HS3ST5: variants seen among roughly 807,000 people sequenced by gnomAD.
The protein encoded by HS3ST5 is heparan sulfate glucosamine 3-O-sulfotransferase 5.
Under a neutral mutation model 25.4 loss-of-function variants are expected in HS3ST5, and 10 were observed. That is an observed-to-expected ratio of 0.39 (90% CI 0.24 to 0.67). The LOEUF (loss-of-function observed/expected upper bound fraction) is 0.67, where lower values mean the gene tolerates loss of function less well. HS3ST5 is among the 30% of genes least tolerant of loss of function. The probability of loss-of-function intolerance (pLI) is 0.44; values close to 1 mark genes in which losing one functional copy is unlikely to be tolerated. For synonymous variants in HS3ST5, 170 were observed against 162.4 expected, an observed-to-expected ratio of 1.05 and a Z score of -0.36; for missense variants, 324 against 420.7, an observed-to-expected ratio of 0.77 and a Z score of 2.01.
chr6:114,340,213 A>T (rs566957249), intron 1 of HS3ST5, among the ~76,000 whole-genome samples: 111 of 152,348 alleles, frequency 7.3e-4, no homozygotes, highest in African/African-American at 2.5e-3. Context: ...GTTAAAATTT[A>T]AGCATGAGCT....
At chr6:114,189,256 T>C (rs1230659639) in intron 2 of HS3ST5, among the ~76,000 whole-genome samples, 1 of 152,158 alleles carries the variant, frequency 6.6e-6, no homozygotes, top group African/African-American at 2.4e-5. Flanking sequence ...TCTGACATGA[T>C]TTGATACTTT....
chr6:114,084,465 G>A (rs1774659092), intron 3 of HS3ST5: 3 of 757,162 alleles, frequency 4.0e-6, no homozygotes, highest in African/African-American at 1.7e-5. Flanking sequence ...GATCAGGCAT[G>A]ACCTCCCGCG....
chr6:114,064,083 A>ATTGT (rs80091887), intron 3 of HS3ST5, among the ~76,000 whole-genome samples: 34,986 of 151,960 alleles, frequency 0.23, 4,246 homozygotes, highest in Non-Finnish European at 0.25. Context: ...TCAAGATAAG[A>ATTGT]TTGTTTGCCT....
chr6:114,294,396 C>T (rs976346285), intron 1 of HS3ST5, among the ~76,000 whole-genome samples: 5 of 151,402 alleles, frequency 3.3e-5, no homozygotes, highest in Admixed American at 1.3e-4. Context: ...TTGGTGTGTC[C>T]TCTTGAACTC....
intron 2 of HS3ST5, among the ~76,000 whole-genome samples, chr6:114,186,842 C>G (rs1190796024): frequency 1.3e-5 from 2 of 152,074 alleles, no homozygotes; most frequent in African/African-American, 4.8e-5. Flanking sequence ...ATTTTGAAGC[C>G]ATAGTAGCTG....
At chr6:114,060,077 G>C (rs1398225301) in intron 4 of HS3ST5, among the ~76,000 whole-genome samples, 2 of 151,984 alleles carry the variant, frequency 1.3e-5, no homozygotes, top group East Asian at 1.9e-4. Context: ...GCAGTGGCAC[G>C]ATCTTGGCTC....
chr6:114,226,471 AC>A (rs1771294828), intron 2 of HS3ST5, among the ~76,000 whole-genome samples: 1 of 151,974 alleles, frequency 6.6e-6, no homozygotes, highest in Non-Finnish European at 1.5e-5. Context: ...ATTGAAAAAC[AC>A]CCACTTAACT....
chr6:114,270,585 C>T (rs1190128036), intron 1 of HS3ST5, among the ~76,000 whole-genome samples: 1 of 152,146 alleles, frequency 6.6e-6, no homozygotes, highest in Admixed American at 6.6e-5. Flanking sequence ...CAGGAGGCAG[C>T]ATATGCTGTA....
intron 1 of HS3ST5, among the ~76,000 whole-genome samples, chr6:114,282,266 C>T (rs1466494937): frequency 1.3e-5 from 2 of 152,032 alleles, no homozygotes; most frequent in South Asian, 2.1e-4. Flanking sequence ...AACATGCAGC[C>T]GCTGGCATCT....
chr6:114,205,131 G>A lies in HS3ST5; in HGVS notation c.-145+23454C>T, dbSNP rs570972938. ...TTAATTCAATTTTGATACTAACTACGTAGAATTCGTGCAGATCCCACACGT... is the reference window on the plus strand; with the variant it reads ...TTAATTCAATTTTGATACTAACTACATAGAATTCGTGCAGATCCCACACGT... On this transcript the variant is annotated intron_variant, in intron 2 of 4. Transcript: ENST00000312719. Among the ~76,000 whole-genome samples the A allele has an allele frequency of 1.7e-4, 26 of 152,128 alleles. No individual in the cohort carries two copies. In the East Asian group the frequency reaches 2.7e-3, roughly 16 times the overall value.
chr6:114,110,075 G>T (rs943824764), intron 3 of HS3ST5, among the ~76,000 whole-genome samples: 2 of 152,188 alleles, frequency 1.3e-5, no homozygotes, highest in African/African-American at 4.8e-5. Context: ...ATGGACTACA[G>T]TGATGCCATT....
Position 114,342,420 on chromosome 6 carries a change from A to AGGC in HS3ST5, c.-567_-565dup, listed in dbSNP as rs527646640. 528 of 191,420 alleles carry AGGC rather than the reference A, an allele frequency of 2.8e-3. 5 individuals carry two copies. The highest frequency in any genetic ancestry group is 0.019 in the East Asian group (120 of 6,232). The allele number at this position is 191,420 out of a possible 1,614,324, so 11.9% of individuals were successfully genotyped here. A position where few individuals can be genotyped will look rare whatever the true frequency, so the allele number is the denominator to read the frequency against. ...TAAGACGCGAGCGGGCCCCACACGC[A>AGGC]GGCGGCGGCGGCGGCGGCGGCGGCG... On this transcript the variant is annotated 5_prime_UTR_variant, in exon 1 of 5. Transcript: ENST00000312719.
intron 2 of HS3ST5, among the ~76,000 whole-genome samples, chr6:114,191,326 C>T (rs1780492808): frequency 6.6e-6 from 1 of 152,086 alleles, no homozygotes; most frequent in Non-Finnish European, 1.5e-5. Flanking sequence ...TCAATTCTGC[C>T]TTATTGGCTA....
At chr6:114,245,966 A>C (rs1240550965) in intron 1 of HS3ST5, among the ~76,000 whole-genome samples, 1 of 152,182 alleles carries the variant, frequency 6.6e-6, no homozygotes, top group Non-Finnish European at 1.5e-5. Context: ...AAGATGTTTC[A>C]ATCAAATCTC....
At chr6:114,202,683 T>G (rs768699582) in intron 2 of HS3ST5, among the ~76,000 whole-genome samples, 1 of 152,078 alleles carries the variant, frequency 6.6e-6, no homozygotes, top group Non-Finnish European at 1.5e-5. Context: ...TAGTCTAGAA[T>G]AGTTAGGGGA....
chr6:114,107,914 C>G (rs1776071363), intron 3 of HS3ST5, among the ~76,000 whole-genome samples: 1 of 152,158 alleles, frequency 6.6e-6, no homozygotes, highest in Non-Finnish European at 1.5e-5. Context: ...GCTGTCATTT[C>G]TCCTTATATT....
rs1307648071 is a variant in HS3ST5, at chr6:114,161,543, A to C, written c.-33+6808T>G. On this transcript the variant is annotated intron_variant, in intron 3 of 4. Transcript: ENST00000312719. ...GTTTTATATATATATATATATATAT[A>C]TATATATATATATATATATATATAT... is the stretch of plus-strand genomic sequence containing the variant. 2.5e-4 allele frequency among the ~76,000 whole-genome samples: 20 copies of C among 79,290 alleles called. 1 individual carries two copies. Among genetic ancestry groups the C allele is most frequent in the African/African-American group, 8.6e-4 (20 of 23,240 alleles). 52.0% of individuals were successfully genotyped at this position (79,290 alleles called of 152,430 possible). A position where few individuals can be genotyped will look rare whatever the true frequency, so the allele number is the denominator to read the frequency against.
intron 1 of HS3ST5, among the ~76,000 whole-genome samples, chr6:114,281,368 A>G (rs961957683): frequency 6.6e-6 from 1 of 152,058 alleles, no homozygotes; most frequent in African/African-American, 2.4e-5. Context: ...TTTTGTCCTG[A>G]TAGTTTTAAA....
At chr6:114,135,735 C>T (rs1777564995) in intron 3 of HS3ST5, among the ~76,000 whole-genome samples, 2 of 152,194 alleles carry the variant, frequency 1.3e-5, no homozygotes, top group South Asian at 4.1e-4. Context: ...TTGCACATGC[C>T]AGGCATAGTG....
Sources: gnomAD v4.1 joint callset for allele counts (sites outside exome capture counted in the v4.1 genomes callset) on GRCh38, gnomAD v4.1.1 for gene constraint, MANE v1.5 for transcripts, NCBI Gene and HGNC (gene_info 2026-07-23, HGNC 2026-07-21) for gene names.